Variants in KAZN observed in about 807,000 individuals in gnomAD.
The protein encoded by KAZN is kazrin, periplakin interacting protein, also known as kazrin.
KAZN carries 40 observed loss-of-function variants against 87.4 expected under a neutral mutation model. The observed-to-expected ratio is 0.46, with a 90% CI of 0.36 to 0.60. The LOEUF (loss-of-function observed/expected upper bound fraction) is 0.60. KAZN is among the 20% of genes least tolerant of loss of function. The probability of loss-of-function intolerance (pLI) is 0.00; values close to 1 mark genes in which losing one functional copy is unlikely to be tolerated. For synonymous variants in KAZN, 466 were observed against 458.3 expected (o/e 1.02, Z -0.22); for missense variants, 898 against 1,073.9 (o/e 0.84, Z 2.29).
chr1:14,283,482 T>A (rs1361653025), intron 2 of KAZN, among the ~76,000 whole-genome samples: 7 of 152,188 alleles, frequency 4.6e-5, no homozygotes, highest in Non-Finnish European at 1.0e-4. Context: ...AATAAATGTA[T>A]GAAAAGATGC....
intron 2 of KAZN, among the ~76,000 whole-genome samples, chr1:14,420,789 C>T (rs1665354639): frequency 1.3e-5 from 2 of 152,034 alleles, no homozygotes; most frequent in Admixed American, 1.3e-4. Flanking sequence ...ACCAGCCGGC[C>T]ACTCCCGAGT....
chr1:13,947,210 A>G (rs1401254578), intron 1 of KAZN, among the ~76,000 whole-genome samples: 1 of 152,190 alleles, frequency 6.6e-6, no homozygotes. Flanking sequence ...AAGGGGAAGA[A>G]GGCACATCTT....
At chr1:15,082,590 C>T (rs894994445) in intron 8 of KAZN, among the ~76,000 whole-genome samples, 2 of 152,208 alleles carry the variant, frequency 1.3e-5, no homozygotes, top group African/African-American at 2.4e-5. Context: ...CAGGGACATG[C>T]GGGACCAGGA....
chr1:14,995,239 C>T (rs543122549), intron 2 of KAZN, among the ~76,000 whole-genome samples: 10 of 152,340 alleles, frequency 6.6e-5, no homozygotes, highest in South Asian at 4.1e-4. Flanking sequence ...TGTGAACTCA[C>T]GTGACTTTTC....
intron 2 of KAZN, among the ~76,000 whole-genome samples, chr1:14,490,643 C>T (rs1669597714): frequency 6.6e-6 from 1 of 152,128 alleles, no homozygotes. Context: ...CAGGCGTGTG[C>T]CACCATCCCC....
At chr1:14,764,266 C>T (rs768608287) in intron 1 of KAZN, among the ~76,000 whole-genome samples, 1 of 151,938 alleles carries the variant, frequency 6.6e-6, no homozygotes. Flanking sequence ...TTCAGAGGCC[C>T]CCACAGCTGA....
At position 14,282,975 on chromosome 1, in the gene KAZN, G is replaced by A. The variant is rs188283526; in HGVS notation, c.249+102383G>A. Among the ~76,000 whole-genome samples the A allele has an allele frequency of 3.3e-5, 5 of 152,286 alleles. No homozygotes were observed. The East Asian group carries it at 5.8e-4, about 18-fold the overall frequency. ...CGTGGAATTTCGATCTGCCCTTGTC[G>A]AGAATGAGGTCAGACAAATGAGTTT... On this transcript the variant is annotated intron_variant, in intron 2 of 16. Coordinates refer to the KAZN transcript ENST00000636203.
At position 15,115,907 on chromosome 1, in the gene KAZN, T is replaced by C. The variant is rs1641825715; in HGVS notation, c.*1272T>C. 1.3e-5 allele frequency: 2 copies of C among 152,166 alleles called. No homozygotes were observed. Among genetic ancestry groups the C allele is most frequent in the South Asian group, 2.1e-4 (1 of 4,814 alleles). The allele number at this position is 152,166 out of a possible 1,614,324, so 9.4% of individuals were successfully genotyped here. A position where few individuals can be genotyped will look rare whatever the true frequency, so the allele number is the denominator to read the frequency against. ...TAATTTCCCATTTACAACACAGAAA[T>C]GATATAGAGCTAGTTCGCTCCAACT... On this transcript the variant is annotated 3_prime_UTR_variant, in exon 15 of 15. Coordinates refer to ENST00000376030, the MANE Select transcript of KAZN (RefSeq NM_201628.3). This position sits in a 1 kb window ranked among gnomAD's most constrained non-coding sequence, Gnocchi z 4.1.
intron 1 of KAZN, among the ~76,000 whole-genome samples, chr1:14,620,182 G>C (rs778371029): frequency 6.6e-6 from 1 of 152,160 alleles, no homozygotes; most frequent in African/African-American, 2.4e-5. Flanking sequence ...TATACCATCT[G>C]CTTCTCCCTA....
intron 2 of KAZN, among the ~76,000 whole-genome samples, chr1:14,345,863 T>C (rs1658070015): frequency 6.6e-6 from 1 of 152,176 alleles, no homozygotes; most frequent in Non-Finnish European, 1.5e-5. Context: ...ATAAGCATAC[T>C]ATTTGAAAAC....
chr1:13,923,842 A>G (rs1298847397), intron 1 of KAZN, among the ~76,000 whole-genome samples: 3 of 152,186 alleles, frequency 2.0e-5, no homozygotes, highest in Non-Finnish European at 4.4e-5. Context: ...TTGAGGGTCC[A>G]CTATAGTTAA....
At chr1:14,481,036 G>A (rs1397785352) in intron 2 of KAZN, among the ~76,000 whole-genome samples, 1 of 151,676 alleles carries the variant, frequency 6.6e-6, no homozygotes, top group Admixed American at 6.6e-5. Flanking sequence ...CTTCATGTGT[G>A]TATTTTCTGT....
intron 1 of KAZN, among the ~76,000 whole-genome samples, chr1:14,829,319 G>T (rs1409729561): frequency 5.3e-5 from 8 of 152,228 alleles, no homozygotes; most frequent in Admixed American, 5.2e-4. Flanking sequence ...GCTAGGATAA[G>T]AAAAGAAGTG....
intron 2 of KAZN, among the ~76,000 whole-genome samples, chr1:14,376,715 T>G (rs1035283301): frequency 6.6e-6 from 1 of 152,236 alleles, no homozygotes; most frequent in Admixed American, 6.5e-5. Flanking sequence ...TACATAACCT[T>G]GGGCAAATCA....
chr1:14,916,870 T>C (rs1024427924), intron 1 of KAZN, among the ~76,000 whole-genome samples: 2 of 151,616 alleles, frequency 1.3e-5, no homozygotes, highest in Admixed American at 1.3e-4. Context: ...GCCATCATCA[T>C]ACCACTGCAT....
chr1:14,459,612 T>C (rs74059528), intron 2 of KAZN, among the ~76,000 whole-genome samples: 4,049 of 152,206 alleles, frequency 0.027, 191 homozygotes, highest in African/African-American at 0.092. Flanking sequence ...CAATTAACCA[T>C]GTCTCCCCTG....
At chr1:15,112,328 AATGTGTGTGT>A in intron 13 of KAZN, 89 bp from the exon 14 acceptor site, 1 of 671,260 alleles carries the variant, frequency 1.5e-6, no homozygotes, top group Non-Finnish European at 2.6e-6. Flanking sequence ...CATTGTCACC[AATGTGTGTGT>A]GTGTGTGTGT....
intron 1 of KAZN, among the ~76,000 whole-genome samples, chr1:13,942,853 A>T (rs985951656): frequency 6.6e-6 from 1 of 152,218 alleles, no homozygotes; most frequent in African/African-American, 2.4e-5. Context: ...GCTAAAATTA[A>T]TTCAATATAT....
At chr1:14,882,952 T>G (rs1653496330) in intron 1 of KAZN, among the ~76,000 whole-genome samples, 1 of 152,046 alleles carries the variant, frequency 6.6e-6, no homozygotes, top group African/African-American at 2.4e-5. Context: ...GAAGTCAAAT[T>G]CAGACATCTC....
Sources: allele counts gnomAD v4.1 joint callset (sites outside exome capture counted in the v4.1 genomes callset), GRCh38; gene constraint gnomAD v4.1.1; non-coding constraint Gnocchi (gnomAD v3.1); transcripts MANE v1.5; gene names NCBI Gene and HGNC (gene_info 2026-07-23, HGNC 2026-07-21).